The following ABHD3 variants were observed in gnomAD, a reference collection of about 807,000 sequenced individuals.
ABHD3 encodes the protein phospholipase ABHD3.
Under a neutral mutation model 48.8 loss-of-function variants are expected in ABHD3, and 46 were observed. The observed-to-expected ratio is 0.94, with a 90% CI of 0.74 to 1.20. ABHD3 has a LOEUF of 1.20. Among genes scored for constraint, ABHD3 ranks in the 50% most tolerant of loss-of-function variants. The probability of loss-of-function intolerance (pLI) is 0.00; values close to 1 mark genes in which losing one functional copy is unlikely to be tolerated. For missense variants in ABHD3, 490 were observed against 497.8 expected, an observed-to-expected ratio of 0.98 and a Z score of 0.15; for synonymous variants, 192 against 183.7, an observed-to-expected ratio of 1.04 and a Z score of -0.36.
intron 3 of ABHD3, among the ~76,000 whole-genome samples, chr18:21,684,311 C>CTTTTTTTTTTTTTTTTTTTTT (rs564516602): frequency 2.4e-5 from 2 of 82,818 alleles, no homozygotes; most frequent in African/African-American, 5.4e-5. Flanking sequence ...AATGTTTTTG[C>CTTTTTTTTTTTTTTTTTTTTT]TTTTTTTTTT....
At chr18:21,699,086 C>T (rs987928754) in intron 3 of ABHD3, among the ~76,000 whole-genome samples, 1 of 151,908 alleles carries the variant, frequency 6.6e-6, no homozygotes, top group Non-Finnish European at 1.5e-5. Context: ...AGGCGCACAC[C>T]ACTATGCCTG....
At chr18:21,685,830 T>C (rs1018186498) in intron 3 of ABHD3, among the ~76,000 whole-genome samples, 5 of 152,206 alleles carry the variant, frequency 3.3e-5, no homozygotes, top group African/African-American at 1.2e-4. Context: ...CCTGAGTAGC[T>C]GGGATAACAG....
At position 21,659,341 on chromosome 18, in the gene ABHD3, A is replaced by T. The variant is rs1436777965; in HGVS notation, c.671T>A (p.Met224Lys). Reference sequence around the variant, plus strand: ...TTTGCCCAAGTAATTTAGAAGCAGCATTCTAAAATGGGGAGAAACAGGAAA... The same window carrying T: ...TTTGCCCAAGTAATTTAGAAGCAGCTTTCTAAAATGGGGAGAAACAGGAAA... ...FLAAGVSMGG[M>K]LLLNYLGKIG... is the part of the protein sequence containing the mutation. The change falls in exon 6 of 9, where the codon ATG becomes AAG. Residue 224 changes from methionine to lysine, a missense_variant and splice_region_variant. Physicochemically the swap from Met to Lys is moderately conservative, Grantham distance 95. Transcript: ENST00000289119. 2 of 1,606,186 alleles carry T rather than the reference A, an allele frequency of 1.2e-6. No individual in the cohort carries two copies. The highest frequency in any genetic ancestry group is 1.7e-5 in the Admixed American group (1 of 57,722).
intron 3 of ABHD3, among the ~76,000 whole-genome samples, chr18:21,691,588 C>T (rs1375535598): frequency 2.0e-5 from 3 of 152,208 alleles, no homozygotes; most frequent in African/African-American, 4.8e-5. Context: ...TTCACTATTA[C>T]ATGCCTAACT....
chr18:21,663,539 G>A, intron 5 of ABHD3: 2 of 803,734 alleles, frequency 2.5e-6, no homozygotes, highest in Non-Finnish European at 3.7e-6. Context: ...CAAAGTAATT[G>A]CAAGCAGCAC....
chr18:21,653,077 A>AAAAAAAAAAAAAAAAAG (rs772523934), intron 8 of ABHD3, among the ~76,000 whole-genome samples: 2 of 76,154 alleles, frequency 2.6e-5, no homozygotes, highest in Admixed American at 1.7e-4. Flanking sequence ...AAAAAAAAAA[A>AAAAAAAAAAAAAAAAAG]AAAGAGCTGG....
In ABHD3 at chr18:21,664,131, C is replaced by G. The variant is rs1299442715; in HGVS notation, c.655G>C (p.Val219Leu). Residue 219 changes from valine to leucine, a missense_variant, in exon 5 of 9, where the codon GTT becomes CTT. By Grantham distance (32) the Val-to-Leu change is conservative. Transcript: ENST00000289119. ...YPSAPFLAAGVSMGGMLLLNY... is the reference protein window; with the variant it reads ...YPSAPFLAAGLSMGGMLLLNY... ...GGAAAACCTTACCCTCCCATTGAAA[C>G]CCCTGCTGCCAGGAAAGGAGCAGAA... 6.2e-7 allele frequency: 1 copy of G among 1,610,172 alleles called. No homozygotes were observed. Among genetic ancestry groups the G allele is most frequent in the Non-Finnish European group, 8.5e-7 (1 of 1,179,304 alleles).
At chr18:21,671,596 A>G (rs997431386) in intron 4 of ABHD3, among the ~76,000 whole-genome samples, 1 of 152,162 alleles carries the variant, frequency 6.6e-6, no homozygotes, top group Non-Finnish European at 1.5e-5. Context: ...AAGACCTGGG[A>G]GGATTCTGCT....
chr18:21,704,274 C>T (rs1287025093), intron 1 of ABHD3, among the ~76,000 whole-genome samples: 1 of 152,216 alleles, frequency 6.6e-6, no homozygotes, highest in Non-Finnish European at 1.5e-5. Context: ...GCGCAGAAGT[C>T]AGCCGGGTTC....
At position 21,650,960 on chromosome 18, in the gene ABHD3, T is replaced by A. The variant is rs2039209420; in HGVS notation, c.*631A>T. On this transcript the variant is annotated 3_prime_UTR_variant, in exon 9 of 9. Coordinates refer to ENST00000289119, the MANE Select transcript of ABHD3 (RefSeq NM_138340.5). Reference sequence around the variant, plus strand: ...ATATATGTGTCCACATATACTATTTTAAAAATAAGCATGTAAATTATAATC... The same window carrying A: ...ATATATGTGTCCACATATACTATTTAAAAAATAAGCATGTAAATTATAATC... The A allele has an allele frequency of 2.0e-5, 3 of 152,176 alleles. No individual in the cohort carries two copies. The highest frequency in any genetic ancestry group is 7.2e-5 in the African/African-American group (3 of 41,470). The allele number at this position is 152,176 out of a possible 1,614,324, so 9.4% of individuals were successfully genotyped here.
intron 3 of ABHD3, 71 bp downstream of exon 3, chr18:21,702,245 C>T: frequency 1.5e-6 from 2 of 1,319,102 alleles, no homozygotes; most frequent in East Asian, 2.5e-5. Flanking sequence ...ATTTCTGAAA[C>T]AAACATGTAG....
At chr18:21,678,763 G>A (rs2039944127) in intron 4 of ABHD3, among the ~76,000 whole-genome samples, 1 of 152,094 alleles carries the variant, frequency 6.6e-6, no homozygotes, top group African/African-American at 2.4e-5. Context: ...GAACCCTACA[G>A]GAATATCTGA....
chr18:21,697,158 C>A (rs974611602), intron 3 of ABHD3, among the ~76,000 whole-genome samples: 4 of 151,392 alleles, frequency 2.6e-5, no homozygotes, highest in Non-Finnish European at 4.4e-5. Context: ...TTACTGCAAC[C>A]TCCACAACCC....
In ABHD3 at chr18:21,657,003, A is replaced by G; in HGVS notation, c.915T>C (p.Asp305=). The part of the protein sequence containing the change: ...VMKAKSIREF[D]KRFTSVMFGY... Reference sequence around the variant, plus strand: ...CAAACATGACTGAAGTGAATCGCTTATCAAACTCTCTGATGGATTTAGCCT... The same window carrying G: ...CAAACATGACTGAAGTGAATCGCTTGTCAAACTCTCTGATGGATTTAGCCT... Residue 305 remains aspartate, a synonymous_variant, in exon 8 of 9, where the codon GAT becomes GAC. Transcript: ENST00000289119. The G allele has an allele frequency of 6.2e-7, 1 of 1,614,126 alleles. No homozygotes were observed. Among genetic ancestry groups the G allele is most frequent in the Admixed American group, 1.7e-5 (1 of 60,022 alleles).
At chr18:21,677,824 C>T (rs1344581533) in intron 4 of ABHD3, among the ~76,000 whole-genome samples, 1 of 152,050 alleles carries the variant, frequency 6.6e-6, no homozygotes, top group African/African-American at 2.4e-5. Context: ...GCTGGGACTA[C>T]AGGCACGCAC....
intron 5 of ABHD3, among the ~76,000 whole-genome samples, chr18:21,660,309 C>T (rs1470461075): frequency 6.6e-6 from 1 of 151,778 alleles, no homozygotes; most frequent in East Asian, 1.9e-4. Context: ...GATCCTTGCA[C>T]CCTGTGGCAA....
chr18:21,668,713 C>G (rs1368779663), intron 4 of ABHD3, among the ~76,000 whole-genome samples: 1 of 152,134 alleles, frequency 6.6e-6, no homozygotes, highest in Non-Finnish European at 1.5e-5. Flanking sequence ...CTGGTACCCT[C>G]AGATATAGGG....
rs538400387 is a variant in ABHD3, at chr18:21,679,723, C to T, written c.555+4197G>A. Among the ~76,000 whole-genome samples the T allele has an allele frequency of 5.8e-4, 89 of 152,146 alleles. 1 individual carries two copies. Among genetic ancestry groups the T allele is most frequent in the East Asian group, 1.9e-4 (1 of 5,142 alleles). On this transcript the variant is annotated intron_variant, in intron 4 of 8. Transcript: ENST00000289119. ...TGTATTTTTAGTAGAGACAGAATTTCGCCAAGTTGGCCAGACTGGTCTCAA... is the reference window on the plus strand; with the variant it reads ...TGTATTTTTAGTAGAGACAGAATTTTGCCAAGTTGGCCAGACTGGTCTCAA...
intron 4 of ABHD3, among the ~76,000 whole-genome samples, chr18:21,669,066 A>C (rs763172705): frequency 3.3e-4 from 50 of 152,172 alleles, no homozygotes; most frequent in Non-Finnish European, 6.3e-4. Context: ...CTAAATTAAA[A>C]AACAACAACA....
Sources: gnomAD v4.1 joint callset for allele counts (sites outside exome capture counted in the v4.1 genomes callset) on GRCh38, gnomAD v4.1.1 for gene constraint, MANE v1.5 for transcripts, NCBI Gene and HGNC (gene_info 2026-07-23, HGNC 2026-07-21) for gene names.